Variants in DICER1 observed in about 807,000 individuals in gnomAD.
DICER1 encodes dicer 1, ribonuclease III.
A neutral mutation model predicts 194.1 loss-of-function variants in DICER1; 43 were observed. The observed-to-expected ratio is 0.22, with a 90% CI of 0.17 to 0.29. DICER1 has a LOEUF of 0.29. Ranked by LOEUF, DICER1 falls within the 10% of genes least tolerant of loss-of-function variation. The probability of loss-of-function intolerance (pLI) is 1.00; values close to 1 mark genes in which losing one functional copy is unlikely to be tolerated. For synonymous variants in DICER1, 832 were observed against 820.5 expected, an observed-to-expected ratio of 1.01 and a Z score of -0.24; for missense variants, 1,608 against 2,317.0, an observed-to-expected ratio of 0.69 and a Z score of 6.28.
Position 95,103,675 on chromosome 14 carries a change from T to C in DICER1, c.3721A>G (p.Lys1241Glu). Residue 1241 changes from lysine to glutamate, a missense_variant, in exon 21 of 27, where the codon AAA (lysine) becomes GAA (glutamate). Coordinates refer to ENST00000343455, the MANE Select transcript of DICER1 (RefSeq NM_177438.3). Reference sequence around the variant, plus strand: ...TTGTTAGCATTTCCATCAAGGTATTTATTACTCAGGAGAGTACATTCATCG... The same window carrying C: ...TTGTTAGCATTTCCATCAAGGTATTCATTACTCAGGAGAGTACATTCATCG... ...PSDECTLLSN[K>E]YLDGNANKST... The C allele has an allele frequency of 6.2e-7, 1 of 1,614,216 alleles. No homozygotes were observed. The highest frequency in any genetic ancestry group is 1.1e-5 in the South Asian group (1 of 91,080).
rs1199888806 is a variant in DICER1, at chr14:95,089,298, C to T, written c.*1200G>A. On this transcript the variant is annotated 3_prime_UTR_variant, in exon 27 of 27. Coordinates refer to ENST00000343455, the MANE Select transcript of DICER1 (RefSeq NM_177438.3). ...ATGTATCAAAATTACGGCAGTTTAT[C>T]GCAAACGTTAAACTTTCACGGCATT... 1.3e-5 allele frequency: 3 copies of T among 231,588 alleles called. No individual in the cohort carries two copies. The highest frequency in any genetic ancestry group is 2.2e-5 in the African/African-American group (1 of 44,978). 14.3% of individuals were successfully genotyped at this position (231,588 alleles called of 1,614,324 possible).
chr14:95,113,196 A>G lies in DICER1; in HGVS notation c.1936T>C (p.Phe646Leu). 6.2e-7 allele frequency: 1 copy of G among 1,613,892 alleles called. No individual in the cohort carries two copies. The highest frequency in any genetic ancestry group is 8.5e-7 in the Non-Finnish European group (1 of 1,179,720). ...RYCARLPSDP[F>L]THLAPKCRTR... Reference sequence around the variant, plus strand: ...CTGCATTTAGGAGCTAGATGAGTAAACGGATCACTTGGTAATCTAGCACAG... The same window carrying G: ...CTGCATTTAGGAGCTAGATGAGTAAGCGGATCACTTGGTAATCTAGCACAG... Residue 646 changes from phenylalanine (F) to leucine (L), a missense_variant, in exon 12 of 27, where the codon TTT becomes CTT. By Grantham distance (22) the Phe-to-Leu change is conservative. Around this residue, in one of 10 missense-constraint regions of DICER1, gnomAD observed 657 missense variants for 910.1 expected, o/e 0.72. Transcript: ENST00000343455.
intron 10 of DICER1, among the ~76,000 whole-genome samples, chr14:95,116,143 A>G (rs573789496): frequency 6.6e-6 from 1 of 152,184 alleles, no homozygotes; most frequent in African/African-American, 2.4e-5. Flanking sequence ...CCAATCACTC[A>G]ATAACTTAAG....
chr14:95,107,860 G>A lies in DICER1; in HGVS notation c.2650+20C>T, dbSNP rs2140022604. On this transcript the variant is annotated intron_variant, in intron 16 of 26. Coordinates refer to ENST00000343455, the MANE Select transcript of DICER1 (RefSeq NM_177438.3). The stretch of plus-strand genomic sequence containing the variant: ...TGTATATGTGTCTAGAGTTATCAAA[G>A]TAAGAGATTTTTTTCTTACCAACAT... The A allele has an allele frequency of 1.2e-6, 2 of 1,610,194 alleles. No individual in the cohort carries two copies. The highest frequency in any genetic ancestry group is 1.7e-6 in the Non-Finnish European group (2 of 1,176,472).
intron 23 of DICER1, among the ~76,000 whole-genome samples, chr14:95,094,676 A>G (rs369553255): frequency 3.3e-5 from 5 of 152,242 alleles, no homozygotes; most frequent in East Asian, 3.8e-4. Flanking sequence ...TGACAGGAAA[A>G]GAAGACCCTC....
chr14:95,151,668 C>T (rs1402065349), intron 1 of DICER1, among the ~76,000 whole-genome samples: 1 of 152,142 alleles, frequency 6.6e-6, no homozygotes, highest in Admixed American at 6.5e-5. Flanking sequence ...AGCATCCCTA[C>T]AAAGCTATGA....
chr14:95,106,001 C>A (rs774139594), intron 18 of DICER1, 40 bp downstream of exon 18: 1 of 1,603,040 alleles, frequency 6.2e-7, no homozygotes, highest in Non-Finnish European at 8.5e-7. Context: ...GGTAAGAATC[C>A]CTCAAGTGCA....
rs1300692476 is a variant in DICER1 at position 95,103,937 on chromosome 14, G to A, written c.3459C>T (p.Cys1153=). 6.2e-7 allele frequency: 1 copy of A among 1,614,036 alleles called. No homozygotes were observed. The highest frequency in any genetic ancestry group is 8.5e-7 in the Non-Finnish European group (1 of 1,180,028). Residue 1153 remains cysteine, a synonymous_variant, in exon 21 of 27, where the codon TGC becomes TGT. Transcript: ENST00000343455. ...CAGGGGACTCGCTGAGCAACGTTCT[G>A]CAGTTCACAGACATTTGGTCATGAT... ...LENHDQMSVN[C]RTLLSESPGK...
At chr14:95,100,919 CT>C (rs1467918535) in intron 21 of DICER1, among the ~76,000 whole-genome samples, 5 of 152,210 alleles carry the variant, frequency 3.3e-5, no homozygotes, top group Admixed American at 3.3e-4. Context: ...CAAAAGTACT[CT>C]CCCTCTCTGC....
rs1060503664 is a variant in DICER1, at chr14:95,099,835, C to G, written c.4151G>C (p.Gly1384Ala). 6.2e-7 allele frequency: 1 copy of G among 1,613,512 alleles called. No individual in the cohort carries two copies. Among genetic ancestry groups the G allele is most frequent in the Non-Finnish European group, 8.5e-7 (1 of 1,179,888 alleles). ...FDPPVNWLPP[G>A]YVVNQDKSNT... ...GCTTTTGTCTTGATTTACTACATAACCAGGAGGAAGCCAATTCACAGGGGG... is the reference window on the plus strand; with the variant it reads ...GCTTTTGTCTTGATTTACTACATAAGCAGGAGGAAGCCAATTCACAGGGGG... Residue 1384 changes from glycine to alanine, a missense_variant, in exon 22 of 27, where the codon GGT becomes GCT. This residue lies in a region of DICER1 where 58 missense variants were observed against 125.7 expected (regional missense o/e 0.46). Transcript: ENST00000343455.
intron 7 of DICER1, among the ~76,000 whole-genome samples, chr14:95,125,132 G>A (rs922532689): frequency 2.6e-5 from 4 of 152,146 alleles, no homozygotes; most frequent in African/African-American, 7.2e-5. Flanking sequence ...AATTTTGGTC[G>A]ATCTACAGTC....
intron 24 of DICER1, 86 bp from the exon 25 acceptor site, chr14:95,091,451 G>T: frequency 7.9e-7 from 1 of 1,266,198 alleles, no homozygotes; most frequent in Non-Finnish European, 1.2e-6. Context: ...TTGGATATAT[G>T]ACTTTTGTTA....
At chr14:95,148,208 G>C (rs1183411679) in intron 1 of DICER1, among the ~76,000 whole-genome samples, 1 of 152,088 alleles carries the variant, frequency 6.6e-6, no homozygotes, top group Non-Finnish European at 1.5e-5. Flanking sequence ...CTGTCCTTCA[G>C]GGTTTTTATG....
At chr14:95,094,300 T>C (rs1890121041) in intron 23 of DICER1, 144 bp from the exon 24 acceptor site, 1 of 1,079,576 alleles carries the variant, frequency 9.3e-7, no homozygotes, top group Non-Finnish European at 1.3e-6. Flanking sequence ...ATCTGACATA[T>C]CATACTAAAA....
chr14:95,140,746 C>T (rs1373756126), intron 1 of DICER1: 1 of 152,182 alleles, frequency 6.6e-6, no homozygotes, highest in Non-Finnish European at 1.5e-5. Flanking sequence ...TCACAGCATG[C>T]CCAAGCTTCT....
At chr14:95,122,904 A>T (rs1345301818) in intron 8 of DICER1, among the ~76,000 whole-genome samples, 1 of 151,890 alleles carries the variant, frequency 6.6e-6, no homozygotes, top group Non-Finnish European at 1.5e-5. Context: ...AAACATTCAG[A>T]AGCAGTTAAG....
At chr14:95,109,576 A>C (rs960527435) in intron 14 of DICER1, among the ~76,000 whole-genome samples, 2 of 152,212 alleles carry the variant, frequency 1.3e-5, no homozygotes, top group Non-Finnish European at 2.9e-5. Context: ...CGACTTTATC[A>C]CATGAAACTA....
chr14:95,108,620 G>T, intron 14 of DICER1, 117 bp from the exon 15 acceptor site: 1 of 933,314 alleles, frequency 1.1e-6, no homozygotes, highest in Non-Finnish European at 1.7e-6. Context: ...AATAAGCTAA[G>T]AAAATACCCG....
chr14:95,117,835 G>A (rs2140139961), intron 8 of DICER1, 81 bp from the exon 9 acceptor site: 1 of 1,384,892 alleles, frequency 7.2e-7, no homozygotes, highest in Non-Finnish European at 1.0e-6. Context: ...CTTTAAAATG[G>A]AAGTACATGC....
Sources: gnomAD v4.1 joint callset for allele counts (sites outside exome capture counted in the v4.1 genomes callset) on GRCh38, gnomAD v4.1.1 for gene constraint, gnomAD v4.1.1 regional missense constraint, MANE v1.5 for transcripts, NCBI Gene and HGNC (gene_info 2026-07-23, HGNC 2026-07-21) for gene names.